The following VPS13B variants were observed in gnomAD, a reference collection of about 807,000 sequenced individuals.
The protein encoded by VPS13B is vacuolar protein sorting 13 homolog B.
In VPS13B, 285 loss-of-function variants were observed where a neutral mutation model predicts 426.4. The ratio of observed to expected loss-of-function variants is 0.67; its 90% CI spans 0.61 to 0.74. The LOEUF (loss-of-function observed/expected upper bound fraction) is 0.74, where lower values mean the gene tolerates loss of function less well. Among genes scored for constraint, VPS13B ranks in the 30% least tolerant of loss-of-function variants. The pLI, the probability that VPS13B is intolerant of heterozygous loss-of-function variation, is 0.00. For missense variants in VPS13B, 4,537 were observed against 4,782.6 expected (o/e 0.95, Z 1.51); for synonymous variants, 1,676 against 1,676.4 (o/e 1.00, Z 0.01).
In VPS13B at chr8:99,831,809, C is replaced by T. The variant is rs566394600; in HGVS notation, c.9331-560C>T. On this transcript the variant is annotated intron_variant, in intron 51 of 61. Transcript: ENST00000357162. ...ATGGCACGGTTATATACAAGTACTA[C>T]GCCATTTTTGTATAAGGGACTTGAG... is the stretch of plus-strand genomic sequence containing the variant. Among the ~76,000 whole-genome samples the T allele has an allele frequency of 5.3e-5, 8 of 152,268 alleles. No individual in the cohort carries two copies. The East Asian group carries it at 5.8e-4, about 11-fold the overall frequency.
chr8:99,810,689 C>G (rs1006959647), intron 44 of VPS13B, among the ~76,000 whole-genome samples: 2 of 152,128 alleles, frequency 1.3e-5, no homozygotes, highest in African/African-American at 4.8e-5. Flanking sequence ...TGGAAAACAC[C>G]AAGTATGTGA....
chr8:99,414,189 C>T (rs537785855), intron 21 of VPS13B, among the ~76,000 whole-genome samples: 23 of 149,530 alleles, frequency 1.5e-4, no homozygotes, highest in Admixed American at 1.3e-3. Flanking sequence ...TCTTTTTGAT[C>T]TTTGTTGGTT....
intron 54 of VPS13B, among the ~76,000 whole-genome samples, chr8:99,837,181 G>A (rs781194033): frequency 2.6e-5 from 4 of 152,190 alleles, no homozygotes; most frequent in African/African-American, 7.2e-5. Context: ...AGCAGTAGCT[G>A]TGGAAACTGG....
chr8:99,526,361 G>A (rs922926090), intron 30 of VPS13B, among the ~76,000 whole-genome samples: 4 of 152,142 alleles, frequency 2.6e-5, no homozygotes, highest in Admixed American at 6.5e-5. Flanking sequence ...GAGCAGAGAA[G>A]TGACGTGATT....
At chr8:99,633,060 T>C (rs1336762828) in intron 33 of VPS13B, among the ~76,000 whole-genome samples, 1 of 152,064 alleles carries the variant, frequency 6.6e-6, no homozygotes, top group Non-Finnish European at 1.5e-5. Context: ...TTGACCATTG[T>C]CATCACTTTC....
chr8:99,388,142 G>GATTTTTT, intron 20 of VPS13B, among the ~76,000 whole-genome samples: 1 of 152,006 alleles, frequency 6.6e-6, no homozygotes, highest in East Asian at 1.9e-4. Context: ...GCAATATGAG[G>GATTTTTT]GCACTTATAT....
intron 23 of VPS13B, among the ~76,000 whole-genome samples, chr8:99,444,878 G>A (rs1448893933): frequency 6.6e-6 from 1 of 152,040 alleles, no homozygotes; most frequent in Admixed American, 6.5e-5. Flanking sequence ...TCACAGGTTG[G>A]TATCGAACTC....
chr8:99,064,218 C>G (rs1187812108), intron 3 of VPS13B, among the ~76,000 whole-genome samples: 1 of 152,130 alleles, frequency 6.6e-6, no homozygotes, highest in Non-Finnish European at 1.5e-5. Context: ...GATCGTAGCT[C>G]CTCGCCAGCA....
At chr8:99,379,081 G>A (rs997990868) in intron 19 of VPS13B, among the ~76,000 whole-genome samples, 9 of 152,082 alleles carry the variant, frequency 5.9e-5, no homozygotes, top group African/African-American at 9.7e-5. Context: ...TCAAAGGAAC[G>A]CAAACCCTAT....
intron 31 of VPS13B, among the ~76,000 whole-genome samples, chr8:99,573,096 GTCT>G (rs2133802749): frequency 6.6e-6 from 1 of 152,286 alleles, no homozygotes; most frequent in African/African-American, 2.4e-5. Flanking sequence ...CTGCATAAAT[GTCT>G]TCTTTTGAGA....
At chr8:99,857,314 G>C (rs1010554000) in intron 56 of VPS13B, among the ~76,000 whole-genome samples, 1 of 152,216 alleles carries the variant, frequency 6.6e-6, no homozygotes, top group Non-Finnish European at 1.5e-5. Context: ...TGTCGTGGGG[G>C]ACACTGCTTG....
intron 30 of VPS13B, among the ~76,000 whole-genome samples, chr8:99,527,103 G>A (rs566713260): frequency 6.6e-6 from 1 of 151,548 alleles, no homozygotes; most frequent in East Asian, 2.0e-4. Flanking sequence ...GAAAGGTTCT[G>A]TGAGAAACAT....
chr8:99,090,699 A>T (rs1480193729), intron 3 of VPS13B, among the ~76,000 whole-genome samples: 2 of 152,176 alleles, frequency 1.3e-5, no homozygotes, highest in African/African-American at 4.8e-5. Flanking sequence ...TGCCTAACAC[A>T]TACTTTTCTT....
chr8:99,656,628 T>C (rs1830028325), intron 34 of VPS13B, among the ~76,000 whole-genome samples: 1 of 152,162 alleles, frequency 6.6e-6, no homozygotes, highest in Non-Finnish European at 1.5e-5. Context: ...CTAGGAGTCA[T>C]GCCCCTCATT....
rs549117130 is a variant in VPS13B, at chr8:99,679,506, C to T, written c.6046+18015C>T. Among the ~76,000 whole-genome samples, 3 of 152,208 alleles carry T rather than the reference C, an allele frequency of 2.0e-5. No homozygotes were observed. In the East Asian group the frequency reaches 5.8e-4, roughly 29 times the overall value. On this transcript the variant is annotated intron_variant, in intron 35 of 61. Transcript: ENST00000357162. The stretch of plus-strand genomic sequence containing the variant: ...AAGTCAATGTTTGATCATAAAAATA[C>T]GTTTCTGAGTAATTTTGCTAGTAGT...
At chr8:99,831,297 T>C (rs1261450121) in intron 51 of VPS13B, among the ~76,000 whole-genome samples, 1 of 151,958 alleles carries the variant, frequency 6.6e-6, no homozygotes, top group Non-Finnish European at 1.5e-5. Flanking sequence ...GGTCTCAAAC[T>C]CCTGACCTCG....
At chr8:99,074,227 T>C (rs763939025) in intron 3 of VPS13B, among the ~76,000 whole-genome samples, 1 of 152,222 alleles carries the variant, frequency 6.6e-6, no homozygotes, top group Non-Finnish European at 1.5e-5. Flanking sequence ...TGAGGTGTGT[T>C]CCTTCTATCC....
chr8:99,329,560 G>T (rs897963215), intron 19 of VPS13B, among the ~76,000 whole-genome samples: 1 of 151,990 alleles, frequency 6.6e-6, no homozygotes, highest in Non-Finnish European at 1.5e-5. Context: ...GTTAATTCCA[G>T]ATTATAAATA....
Position 99,828,392 on chromosome 8 carries a change from CCGT to C in VPS13B, c.9331-3976_9331-3974del, listed in dbSNP as rs1814823184. On this transcript the variant is annotated intron_variant, in intron 51 of 61. Transcript: ENST00000357162. The stretch of plus-strand genomic sequence containing the variant: ...TTATCAGAGACTAGGATTACAACCA[CCGT>C]TTTTTTTTTTTTTTTTTTTTTTTTT... 8.4e-4 allele frequency among the ~76,000 whole-genome samples: 40 copies of C among 47,652 alleles called. 2 individuals carry two copies. The highest frequency in any genetic ancestry group is 1.5e-3 in the East Asian group (2 of 1,378). 31.3% of individuals were successfully genotyped at this position (47,652 alleles called of 152,430 possible).
Sources: allele counts gnomAD v4.1 joint callset (sites outside exome capture counted in the v4.1 genomes callset), GRCh38; gene constraint gnomAD v4.1.1; transcripts MANE v1.5; gene names NCBI Gene and HGNC (gene_info 2026-07-23, HGNC 2026-07-21).